The following BMAL1 variants were observed in gnomAD, a reference collection of about 807,000 sequenced individuals.
BMAL1 encodes basic helix-loop-helix ARNT-like protein 1.
the BMAL1 span, among the ~76,000 whole-genome samples, chr11:13,278,535 C>T: frequency 2.6e-4 from 39 of 152,166 alleles, no homozygotes; most frequent in Middle Eastern, 3.2e-3. Flanking sequence ...TTGGGGAGTC[C>T]AAGTCCGCCC....
At chr11:13,358,787 A>G in the BMAL1 span, among the ~76,000 whole-genome samples, 2 of 152,168 alleles carry the variant, frequency 1.3e-5, no homozygotes, top group Admixed American at 6.5e-5. Context: ...TTGACATGCA[A>G]TTTTGCAGTC....
chr11:13,326,278 T>G, the BMAL1 span: 1 of 152,134 alleles, frequency 6.6e-6, no homozygotes, highest in African/African-American at 2.4e-5. Context: ...CTCACTACCT[T>G]CGGACCAGCC....
the BMAL1 span, chr11:13,375,825 C>G: frequency 4.8e-6 from 7 of 1,465,164 alleles, no homozygotes; most frequent in South Asian, 1.4e-5. Context: ...GGTTCCTCAT[C>G]TGGGAAATGG....
At chr11:13,308,219 C>T in the BMAL1 span, among the ~76,000 whole-genome samples, 1 of 152,302 alleles carries the variant, frequency 6.6e-6, no homozygotes, top group Admixed American at 6.5e-5. Context: ...TTGTCTTAAA[C>T]TGAGGCGGAC....
At chr11:13,372,196 C>T in the BMAL1 span, 1 of 1,614,168 alleles carries the variant, frequency 6.2e-7, no homozygotes, top group Non-Finnish European at 8.5e-7. Context: ...ATCCACAGCA[C>T]AGGCTATTTG....
chr11:13,378,621 C>A, the BMAL1 span: 2 of 798,596 alleles, frequency 2.5e-6, no homozygotes, highest in Non-Finnish European at 3.9e-6. Context: ...TGTTAAACAT[C>A]CTACAGTAAA....
At chr11:13,283,891 T>C in the BMAL1 span, among the ~76,000 whole-genome samples, 8,020 of 151,746 alleles carry the variant, frequency 0.053, 665 homozygotes, top group African/African-American at 0.18. Flanking sequence ...CTCAGCCAGC[T>C]CCTCCCCAGG....
the BMAL1 span, among the ~76,000 whole-genome samples, chr11:13,321,622 G>A: frequency 6.6e-6 from 1 of 152,118 alleles, no homozygotes; most frequent in African/African-American, 2.4e-5. Context: ...TGTGCTGCTG[G>A]TTTTGTAACC....
chr11:13,387,023 GTGT>G, the BMAL1 span: 1 of 321,812 alleles, frequency 3.1e-6, no homozygotes, highest in Non-Finnish European at 5.7e-6. Flanking sequence ...GATTCTGTTT[GTGT>G]TGAATTTTTT....
the BMAL1 span, among the ~76,000 whole-genome samples, chr11:13,296,115 C>T: frequency 6.6e-6 from 1 of 152,130 alleles, no homozygotes; most frequent in Admixed American, 6.5e-5. Flanking sequence ...TTGAGTCTGC[C>T]TTTGTACTTC....
At chr11:13,326,641 A>G in the BMAL1 span, among the ~76,000 whole-genome samples, 2 of 152,178 alleles carry the variant, frequency 1.3e-5, no homozygotes, top group African/African-American at 2.4e-5. Context: ...GACCTTGGGC[A>G]TGCTACTTAA....
At chr11:13,336,508 G>A in the BMAL1 span, among the ~76,000 whole-genome samples, 6 of 152,128 alleles carry the variant, frequency 3.9e-5, no homozygotes, top group African/African-American at 1.4e-4. Context: ...TGTAGGCCAA[G>A]TTGGGTGGGT....
chr11:13,332,161 G>A, the BMAL1 span, among the ~76,000 whole-genome samples: 2 of 152,124 alleles, frequency 1.3e-5, no homozygotes, highest in African/African-American at 2.4e-5. Context: ...CAGGGCTGTG[G>A]GCAGATCCAG....
the BMAL1 span, among the ~76,000 whole-genome samples, chr11:13,381,824 G>C: frequency 6.6e-6 from 1 of 152,212 alleles, no homozygotes. Context: ...TTAGGAACCA[G>C]TCATTTGTTT....
At chr11:13,310,301 G>T in the BMAL1 span, among the ~76,000 whole-genome samples, 1 of 152,164 alleles carries the variant, frequency 6.6e-6, no homozygotes, top group African/African-American at 2.4e-5. Flanking sequence ...GATGGATGCA[G>T]CGGGCCTTAT....
At chr11:13,342,627 C>T in the BMAL1 span, among the ~76,000 whole-genome samples, 2 of 151,496 alleles carry the variant, frequency 1.3e-5, no homozygotes, top group South Asian at 2.1e-4. Flanking sequence ...ATTCCCTATA[C>T]GTATTTGGCC....
chr11:13,323,227 G>A, the BMAL1 span, among the ~76,000 whole-genome samples: 7 of 152,128 alleles, frequency 4.6e-5, no homozygotes, highest in East Asian at 1.4e-3. Context: ...GTGCATGTCT[G>A]GAGCTGGAGC....
the BMAL1 span, chr11:13,278,032 G>C: frequency 5.3e-5 from 8 of 151,766 alleles, no homozygotes; most frequent in African/African-American, 7.3e-5. Flanking sequence ...GGGGCAACCC[G>C]GCCGCCGAAG....
chr11:13,333,505 C>T, the BMAL1 span, among the ~76,000 whole-genome samples: 1 of 152,238 alleles, frequency 6.6e-6, no homozygotes, highest in African/African-American at 2.4e-5. Flanking sequence ...AAAGTCCATC[C>T]TCCTTCCTTC....
Sources: allele counts gnomAD v4.1 joint callset (sites outside exome capture counted in the v4.1 genomes callset), GRCh38; gene constraint gnomAD v4.1.1; transcripts MANE v1.5; gene names NCBI Gene and HGNC (gene_info 2026-07-23, HGNC 2026-07-21).